Variants in UBR3 observed in about 807,000 individuals in gnomAD.
UBR3 encodes the protein E3 ubiquitin-protein ligase UBR3.
UBR3 carries 85 observed loss-of-function variants against 243.2 expected under a neutral mutation model. The ratio of observed to expected loss-of-function variants is 0.35; its 90% confidence interval spans 0.29 to 0.42. The LOEUF is 0.42. UBR3 is among the 10% of genes least tolerant of loss of function. The pLI, the probability that UBR3 is intolerant of heterozygous loss-of-function variation, is 1.00. For missense variants in UBR3, 1,686 were observed against 2,300.8 expected, an observed-to-expected ratio of 0.73 and a Z score of 5.47; for synonymous variants, 748 against 799.8, an observed-to-expected ratio of 0.94 and a Z score of 1.09.
At chr2:169,828,241 G>A (rs543781482) in intron 1 of UBR3, among the ~76,000 whole-genome samples, 189 bp downstream of exon 1, 4 of 152,234 alleles carry the variant, frequency 2.6e-5, no homozygotes, top group African/African-American at 9.6e-5. Flanking sequence ...AAGGAGGGGA[G>A]AGGAGAGCGG....
At chr2:169,874,587 T>G (rs2083538945) in intron 2 of UBR3, among the ~76,000 whole-genome samples, 1 of 152,232 alleles carries the variant, frequency 6.6e-6, no homozygotes, top group South Asian at 2.1e-4. Flanking sequence ...CCCAATTTCT[T>G]TCAATTCTGT....
Position 170,008,866 on chromosome 2 carries a change from G to T in UBR3, c.4293G>T (p.Gln1431His). Residue 1431 changes from glutamine to histidine, a missense_variant, in exon 29 of 39, where the codon CAG becomes CAT. Coordinates refer to ENST00000272793, the MANE Select transcript of UBR3 (RefSeq NM_172070.4). The part of the protein sequence containing the change: ...SVMKDIKNTT[Q>H]KKYRDYSKTP... ...TGAAAGATATAAAAAATACCACTCA[G>T]AAGAAATATAGAGACTATAGCAAGA... is the stretch of plus-strand genomic sequence containing the variant. The T allele has an allele frequency of 6.4e-7, 1 of 1,570,840 alleles. No individual in the cohort carries two copies. The highest frequency in any genetic ancestry group is 8.7e-7 in the Non-Finnish European group (1 of 1,151,096).
chr2:170,052,008 T>C (rs2091230355), intron 32 of UBR3, among the ~76,000 whole-genome samples: 1 of 152,184 alleles, frequency 6.6e-6, no homozygotes, highest in Non-Finnish European at 1.5e-5. Context: ...ATCTCTAGCT[T>C]TAGACTACAA....
intron 30 of UBR3, among the ~76,000 whole-genome samples, chr2:170,019,571 G>A (rs1458412454): frequency 6.6e-6 from 1 of 151,964 alleles, no homozygotes; most frequent in Non-Finnish European, 1.5e-5. Context: ...TGTGGTCCCA[G>A]CTACTCAGGA....
Position 169,949,629 on chromosome 2 carries a change from A to G in UBR3, c.3109A>G (p.Ser1037Gly). 1.3e-6 allele frequency: 2 copies of G among 1,544,754 alleles called. No homozygotes were observed. Among genetic ancestry groups the G allele is most frequent in the Non-Finnish European group, 1.7e-6 (2 of 1,144,290 alleles). The change falls in exon 23 of 39, where the codon AGT becomes GGT. Residue 1037 changes from serine (S) to glycine (G), a missense_variant. Physicochemically the swap from Ser to Gly is moderately conservative, Grantham distance 56 (BLOSUM62 0). Coordinates refer to ENST00000272793, the MANE Select transcript of UBR3 (RefSeq NM_172070.4). ...LQNSGTAQVFSLVAERRKKFQ... is the reference protein window; with the variant it reads ...LQNSGTAQVFGLVAERRKKFQ... ...GAATTCTGGTACAGCTCAAGTTTTC[A>G]GTTTAGTAGCAGAACGTAGAAAGAA...
chr2:169,978,379 G>A (rs2088563126), intron 24 of UBR3, among the ~76,000 whole-genome samples: 1 of 152,016 alleles, frequency 6.6e-6, no homozygotes, highest in Admixed American at 6.6e-5. Context: ...GGTAGATTTA[G>A]GTTGCCACAG....
At chr2:169,950,216 G>C in intron 23 of UBR3, 151 bp downstream of exon 23, 2 of 727,066 alleles carry the variant, frequency 2.8e-6, no homozygotes, top group Non-Finnish European at 4.2e-6. Context: ...AGCATAGTCA[G>C]TGCTTGTACA....
At chr2:169,881,469 G>A (rs537815453) in intron 5 of UBR3, among the ~76,000 whole-genome samples, 22 of 151,800 alleles carry the variant, frequency 1.4e-4, no homozygotes, top group South Asian at 6.2e-4. Context: ...ATGAGCCACC[G>A]TGCCCAGCCC....
At chr2:169,984,477 A>G (rs1427791599) in intron 24 of UBR3, among the ~76,000 whole-genome samples, 1 of 152,052 alleles carries the variant, frequency 6.6e-6, no homozygotes, top group Non-Finnish European at 1.5e-5. Context: ...TTAGTTTTTC[A>G]TGCTTTTGTT....
chr2:170,028,065 A>G (rs2090576665), intron 30 of UBR3, among the ~76,000 whole-genome samples: 1 of 151,994 alleles, frequency 6.6e-6, no homozygotes, highest in African/African-American at 2.4e-5. Context: ...AGGAAGATGT[A>G]GGCTACACAT....
At position 169,842,864 on chromosome 2, in the gene UBR3, G is replaced by A. The variant is rs186439141; in HGVS notation, c.545+14812G>A. ...ACCAATTCTGGACACAGTAGGACATGGGTACAATTCAGCCAATTTTTTTGC... is the reference window on the plus strand; with the variant it reads ...ACCAATTCTGGACACAGTAGGACATAGGTACAATTCAGCCAATTTTTTTGC... On this transcript the variant is annotated intron_variant, in intron 1 of 38. Transcript: ENST00000272793. Among the ~76,000 whole-genome samples, 6 of 152,346 alleles carry A rather than the reference G, an allele frequency of 3.9e-5. 1 individual carries two copies. The East Asian group carries it at 1.2e-3, about 29-fold the overall frequency.
rs72493218 is a variant in UBR3, at chr2:169,890,593, GTA to G, written c.1039-564_1039-563del. The stretch of plus-strand genomic sequence containing the variant: ...TATATATATATATGTATATATATAT[GTA>G]TATATATGTATATATATCATTGAGC... On this transcript the variant is annotated intron_variant, in intron 5 of 38. Coordinates refer to ENST00000272793, the MANE Select transcript of UBR3 (RefSeq NM_172070.4). 7.8e-3 allele frequency among the ~76,000 whole-genome samples: 592 copies of G among 76,104 alleles called. 25 individuals are homozygous for G. Among genetic ancestry groups the G allele is most frequent in the African/African-American group, 0.024 (491 of 20,326 alleles). 49.9% of individuals were successfully genotyped at this position (76,104 alleles called of 152,430 possible).
intron 32 of UBR3, among the ~76,000 whole-genome samples, chr2:170,045,412 C>G (rs2091059678): frequency 6.6e-6 from 1 of 152,026 alleles, no homozygotes; most frequent in South Asian, 2.1e-4. Context: ...GTCAGTTACC[C>G]AGGTTTGGAT....
intron 23 of UBR3, among the ~76,000 whole-genome samples, chr2:169,954,800 C>A (rs1327183096): frequency 6.6e-6 from 1 of 152,092 alleles, no homozygotes; most frequent in Non-Finnish European, 1.5e-5. Context: ...GTCTTGAACT[C>A]CTGACCTTGT....
intron 31 of UBR3, among the ~76,000 whole-genome samples, chr2:170,035,199 T>C (rs1270673733): frequency 6.6e-6 from 1 of 152,098 alleles, no homozygotes; most frequent in Non-Finnish European, 1.5e-5. Context: ...TTATCAGTTA[T>C]TTATTTCATG....
At chr2:170,061,640 G>A (rs903555173) in intron 35 of UBR3, among the ~76,000 whole-genome samples, 197 bp downstream of exon 35, 1 of 152,010 alleles carries the variant, frequency 6.6e-6, no homozygotes, top group South Asian at 2.1e-4. Context: ...GCTAATTTTT[G>A]TATTTGTAGT....
At chr2:169,932,851 G>A (rs959683691) in intron 18 of UBR3, 61 bp from the exon 19 acceptor site, 2 of 1,299,656 alleles carry the variant, frequency 1.5e-6, no homozygotes, top group Admixed American at 4.3e-5. Context: ...AATGTAATAA[G>A]TCAATAAATA....
At chr2:170,016,346 G>T (rs1281113970) in intron 30 of UBR3, among the ~76,000 whole-genome samples, 1 of 151,630 alleles carries the variant, frequency 6.6e-6, no homozygotes, top group African/African-American at 2.4e-5. Context: ...CTTTTGGATT[G>T]TCACTTTATT....
intron 24 of UBR3, among the ~76,000 whole-genome samples, chr2:169,972,219 A>T (rs575859356): frequency 6.6e-6 from 1 of 152,220 alleles, no homozygotes; most frequent in Admixed American, 6.5e-5. Flanking sequence ...ACCAGGAAGA[A>T]GTTGAATCTC....
Sources: gnomAD v4.1 joint callset for allele counts (sites outside exome capture counted in the v4.1 genomes callset) on GRCh38, gnomAD v4.1.1 for gene constraint, MANE v1.5 for transcripts, NCBI Gene and HGNC (gene_info 2026-07-23, HGNC 2026-07-21) for gene names.